Variants in UBE2H observed in about 807,000 individuals in gnomAD.
UBE2H encodes ubiquitin-conjugating enzyme E2 H.
In UBE2H, 3 loss-of-function variants were observed where a neutral mutation model predicts 29.0. The ratio of observed to expected loss-of-function variants is 0.10; its 90% CI spans 0.05 to 0.27. The LOEUF (loss-of-function observed/expected upper bound fraction) is 0.27, where lower values mean the gene tolerates loss of function less well. Among genes scored for constraint, UBE2H ranks in the 10% least tolerant of loss-of-function variants. The pLI, the probability that UBE2H is intolerant of heterozygous loss-of-function variation, is 1.00. For missense variants in UBE2H, 68 were observed against 228.2 expected (o/e 0.30, Z 4.52); for synonymous variants, 69 against 82.9 (o/e 0.83, Z 0.91).
chr7:129,909,410 G>T (rs1266997818), intron 1 of UBE2H, among the ~76,000 whole-genome samples: 2 of 152,158 alleles, frequency 1.3e-5, no homozygotes, highest in South Asian at 2.1e-4. Context: ...CAGCTCCAAG[G>T]AGTGAGCTGC....
chr7:129,874,557 C>A (rs1265490032), intron 3 of UBE2H, among the ~76,000 whole-genome samples: 1 of 152,192 alleles, frequency 6.6e-6, no homozygotes, highest in African/African-American at 2.4e-5. Context: ...GATCCACCCG[C>A]CTCGGCCTCC....
intron 1 of UBE2H, among the ~76,000 whole-genome samples, chr7:129,918,748 T>C (rs1444263153): frequency 1.3e-5 from 2 of 152,138 alleles, no homozygotes; most frequent in East Asian, 1.9e-4. Context: ...GCCTATACAA[T>C]GTAGACCCTT....
intron 1 of UBE2H, among the ~76,000 whole-genome samples, chr7:129,885,061 T>C (rs1290050968): frequency 7.1e-6 from 1 of 141,662 alleles, no homozygotes; most frequent in Non-Finnish European, 1.6e-5. Flanking sequence ...AGAACTTCTC[T>C]TAAAAAAAAA....
intron 1 of UBE2H, among the ~76,000 whole-genome samples, chr7:129,886,720 G>C (rs1418725390): frequency 2.3e-5 from 3 of 129,820 alleles, no homozygotes; most frequent in Admixed American, 1.8e-4. Flanking sequence ...CACTAGGAAA[G>C]CTGAAGAAAC....
At chr7:129,948,739 T>C (rs779702814) in intron 1 of UBE2H, among the ~76,000 whole-genome samples, 4 of 152,370 alleles carry the variant, frequency 2.6e-5, no homozygotes, top group South Asian at 2.1e-4. Context: ...GTATTGTAAG[T>C]TACAAAATTG....
chr7:129,902,221 G>A (rs879739071), intron 1 of UBE2H, among the ~76,000 whole-genome samples: 25 of 152,124 alleles, frequency 1.6e-4, no homozygotes, highest in Non-Finnish European at 2.6e-4. Flanking sequence ...TTACATGGCC[G>A]GGCACGGTGG....
chr7:129,901,815 CAACTCTTGACCTCAAGT>C (rs1258475516), intron 1 of UBE2H, among the ~76,000 whole-genome samples: 1 of 152,012 alleles, frequency 6.6e-6, no homozygotes, highest in Non-Finnish European at 1.5e-5. Context: ...AGGCTGGTCT[CAACTCTTGACCTCAAGT>C]AATCCACCCA....
intron 1 of UBE2H, among the ~76,000 whole-genome samples, chr7:129,920,543 G>C (rs879757670): frequency 1.3e-5 from 2 of 151,866 alleles, no homozygotes; most frequent in African/African-American, 4.8e-5. Context: ...AAGTAATATT[G>C]AATCAAAATG....
intron 1 of UBE2H, among the ~76,000 whole-genome samples, chr7:129,946,570 C>T (rs1807770351): frequency 6.6e-6 from 1 of 152,142 alleles, no homozygotes; most frequent in East Asian, 1.9e-4. Context: ...TCTTAGACCC[C>T]ACCCTAGACC....
At chr7:129,881,728 T>C (rs1332433580) in intron 1 of UBE2H, among the ~76,000 whole-genome samples, 1 of 152,122 alleles carries the variant, frequency 6.6e-6, no homozygotes, top group Non-Finnish European at 1.5e-5. Context: ...TCCTCCTCAA[T>C]CTATCCCTAA....
chr7:129,895,782 G>T (rs1806588608), intron 1 of UBE2H, among the ~76,000 whole-genome samples: 1 of 151,950 alleles, frequency 6.6e-6, no homozygotes, highest in Non-Finnish European at 1.5e-5. Context: ...CCAACTACTT[G>T]GGAGGCTGAG....
intron 1 of UBE2H, among the ~76,000 whole-genome samples, chr7:129,947,032 T>C (rs1298419637): frequency 5.1e-5 from 7 of 138,132 alleles, no homozygotes; most frequent in Non-Finnish European, 1.1e-4. Flanking sequence ...GCTAAGAAAA[T>C]TGCAACACTA....
intron 1 of UBE2H, among the ~76,000 whole-genome samples, chr7:129,900,261 T>C (rs1203104774): frequency 6.6e-6 from 1 of 152,188 alleles, no homozygotes; most frequent in African/African-American, 2.4e-5. Context: ...TATTACAGCA[T>C]GCAAAATAAT....
intron 3 of UBE2H, among the ~76,000 whole-genome samples, chr7:129,876,044 C>T (rs1230091670): frequency 1.3e-5 from 2 of 152,124 alleles, no homozygotes; most frequent in African/African-American, 4.8e-5. Flanking sequence ...CTGACTCACA[C>T]CTCTCCTAAA....
Position 129,918,976 on chromosome 7 carries a change from G to A in UBE2H, c.53+33527C>T, listed in dbSNP as rs566907708. 1.0e-3 allele frequency among the ~76,000 whole-genome samples: 157 copies of A among 151,812 alleles called. 2 individuals carry two copies. The highest frequency in any genetic ancestry group is 0.01 in the Middle Eastern group (3 of 294). ...GTATACGCCTATAGTACCAGCTACT[G>A]AGGTGGCTGAGGTAGAAGGATCACT... On this transcript the variant is annotated intron_variant, in intron 1 of 6. Coordinates refer to ENST00000355621, the MANE Select transcript of UBE2H (RefSeq NM_003344.4).
intron 1 of UBE2H, among the ~76,000 whole-genome samples, chr7:129,920,768 T>C (rs576378830): frequency 1.3e-5 from 2 of 151,374 alleles, no homozygotes; most frequent in African/African-American, 4.9e-5. Flanking sequence ...CTGTTCATTA[T>C]TTTATTCCAC....
rs560319866 is a variant in UBE2H, at chr7:129,927,094, T to C, written c.53+25409A>G. On this transcript the variant is annotated intron_variant, in intron 1 of 6. Transcript: ENST00000355621. Reference sequence around the variant, plus strand: ...AGGCCCTATTCTCCTTTTTAAAACGTACTTCTAAGGATGCCTAGGCTTTTT... The same window carrying C: ...AGGCCCTATTCTCCTTTTTAAAACGCACTTCTAAGGATGCCTAGGCTTTTT... Among the ~76,000 whole-genome samples, 9 of 152,330 alleles carry C rather than the reference T, an allele frequency of 5.9e-5. No homozygotes were observed. The South Asian group carries it at 1.2e-3, about 21-fold the overall frequency.
intron 1 of UBE2H, among the ~76,000 whole-genome samples, chr7:129,905,020 C>A (rs1806787517): frequency 1.0e-5 from 1 of 99,244 alleles, no homozygotes; most frequent in African/African-American, 3.8e-5. Context: ...GTAAGATGGC[C>A]CCTCAGAGTT....
At chr7:129,840,725 T>G (rs182825332) in intron 5 of UBE2H, among the ~76,000 whole-genome samples, 78 of 152,320 alleles carry the variant, frequency 5.1e-4, no homozygotes, top group Non-Finnish European at 4.0e-4. Flanking sequence ...AGCTGCTTTG[T>G]CATGTTTTAT....
Sources: allele counts gnomAD v4.1 joint callset (sites outside exome capture counted in the v4.1 genomes callset), GRCh38; gene constraint gnomAD v4.1.1; transcripts MANE v1.5; gene names NCBI Gene and HGNC (gene_info 2026-07-23, HGNC 2026-07-21).